PYURF: variants seen among roughly 807,000 people sequenced by gnomAD.
The protein encoded by PYURF is protein preY, mitochondrial.
A neutral mutation model predicts 8.0 loss-of-function variants in PYURF; 9 were observed. The observed-to-expected ratio is 1.13, with a 90% CI of 0.68 to 1.97. The LOEUF is 1.97. Among genes scored for constraint, PYURF ranks in the 30% most tolerant of loss-of-function variants. The pLI, the probability that PYURF is intolerant of heterozygous loss-of-function variation, is 0.00. For synonymous variants in PYURF, 56 were observed against 68.3 expected, an observed-to-expected ratio of 0.82 and a Z score of 0.89; for missense variants, 130 against 158.0, an observed-to-expected ratio of 0.82 and a Z score of 0.95.
Position 88,521,901 on chromosome 4 carries a change from A to C in PYURF, c.332T>G (p.Val111Gly). 1.9e-6 allele frequency: 3 copies of C among 1,550,478 alleles called. No individual in the cohort carries two copies. Among genetic ancestry groups the C allele is most frequent in the Non-Finnish European group, 2.6e-6 (3 of 1,146,696 alleles). The change falls in exon 2 of 2, where the codon GTG (valine) becomes GGG (glycine). Residue 111 changes from valine (V) to glycine (G), a missense_variant. Physicochemically the swap from Val to Gly is moderately radical, Grantham distance 109 (BLOSUM62 -3). Coordinates refer to ENST00000273968, the MANE Select transcript of PYURF (RefSeq NM_032906.5). ...MTRQSKKQEEVEQR is the reference protein window; with the variant it reads ...MTRQSKKQEEGEQR ...TTAAATTATGAACTAGCGCTGCTCCACTTCTTCTTGCTTCTTACTTTGACG... is the reference window on the plus strand; with the variant it reads ...TTAAATTATGAACTAGCGCTGCTCCCCTTCTTCTTGCTTCTTACTTTGACG...
chr4:88,522,148 GTCT>G (rs1742393828), intron 1 of PYURF, 119 bp from the exon 2 acceptor site: 1 of 864,872 alleles, frequency 1.2e-6, no homozygotes, highest in Non-Finnish European at 1.7e-6. Flanking sequence ...TCCCAGAATA[GTCT>G]TCTTTAATTC....
intron 1 of PYURF, among the ~76,000 whole-genome samples, chr4:88,522,997 C>T (rs1474927133): frequency 6.6e-6 from 1 of 152,004 alleles, no homozygotes; most frequent in Admixed American, 6.6e-5. Context: ...CGTTTAAGAA[C>T]ACAGATAAGC....
chr4:88,523,643 G>C lies in PYURF; in HGVS notation c.58C>G (p.Pro20Ala), dbSNP rs1276791360. ...AGGCACCTACGGGCGACCGCGGACG[G>C]CGGCGCGCGCGTTCCCCGCAGCGCT... Reference protein sequence around the residue: ...ASALRGTRAPPSAVARRCLHA... With the variant: ...ASALRGTRAPASAVARRCLHA... Residue 20 changes from proline to alanine, a missense_variant, in exon 1 of 2, where the codon CCG (proline) becomes GCG (alanine). By Grantham distance (27) the Pro-to-Ala change is conservative. Coordinates refer to ENST00000273968, the MANE Select transcript of PYURF (RefSeq NM_032906.5). 2 of 1,539,626 alleles carry C rather than the reference G, an allele frequency of 1.3e-6. No individual in the cohort carries two copies.
At chr4:88,522,353 A>G (rs553026851) in intron 1 of PYURF, among the ~76,000 whole-genome samples, 6 of 152,286 alleles carry the variant, frequency 3.9e-5, no homozygotes, top group African/African-American at 1.4e-4. Context: ...TACTTTGGTC[A>G]ACCCCCAAAC....
chr4:88,521,429 G>T lies in PYURF; in HGVS notation c.*459C>A. 1.4e-6 allele frequency: 1 copy of T among 691,664 alleles called. No individual in the cohort carries two copies. 42.8% of individuals were successfully genotyped at this position (691,664 alleles called of 1,614,324 possible). A position where few individuals can be genotyped will look rare whatever the true frequency, so the allele number is the denominator to read the frequency against. On this transcript the variant is annotated 3_prime_UTR_variant, in exon 2 of 2. Transcript: ENST00000273968. ...CAAGAGTACAATAAAAGAAGCATCT[G>T]CAACTTAAGCCTCCCACAGTCCTAA... is the stretch of plus-strand genomic sequence containing the variant.
chr4:88,523,453 G>C, intron 1 of PYURF, 45 bp downstream of exon 1: 1 of 1,542,718 alleles, frequency 6.5e-7, no homozygotes. Context: ...CTCCCTTTCC[G>C]CCCACCGGGA....
Position 88,521,172 on chromosome 4 carries a change from T to G in PYURF, c.*716A>C, listed in dbSNP as rs934912890. The G allele has an allele frequency of 2.2e-5, 4 of 178,386 alleles. No homozygotes were observed. Among genetic ancestry groups the G allele is most frequent in the African/African-American group, 9.5e-5 (4 of 42,310 alleles). 11.1% of individuals were successfully genotyped at this position (178,386 alleles called of 1,614,324 possible). ...CATTTCTCTCCCTTAGAGGGACTATTCCAACATCACTCCTTTGGAATTATT... is the reference window on the plus strand; with the variant it reads ...CATTTCTCTCCCTTAGAGGGACTATGCCAACATCACTCCTTTGGAATTATT... On this transcript the variant is annotated 3_prime_UTR_variant, in exon 2 of 2. Transcript: ENST00000273968.
intron 1 of PYURF, 31 bp from the exon 2 acceptor site, chr4:88,522,060 T>C (rs1302364503): frequency 6.6e-7 from 1 of 1,512,802 alleles, no homozygotes; most frequent in Admixed American, 2.4e-5. Context: ...ACAAAATGAG[T>C]TGTGGGAAAA....
At position 88,523,573 on chromosome 4, in the gene PYURF, G is replaced by A; in HGVS notation, c.128C>T (p.Thr43Ile). The change falls in exon 1 of 2, where the codon ACT becomes ATT. Residue 43 changes from threonine to isoleucine, a missense_variant. Transcript: ENST00000273968. ...SRPLADRGKKTEEPPRDFDPA... is the reference protein window; with the variant it reads ...SRPLADRGKKIEEPPRDFDPA... ...ATCGAAGTCGCGGGGCGGCTCCTCA[G>A]TCTTCTTGCCCCGGTCGGCCAAAGG... The A allele has an allele frequency of 6.4e-7, 1 of 1,550,592 alleles. No homozygotes were observed. The highest frequency in any genetic ancestry group is 2.0e-5 in the Admixed American group (1 of 51,006).
At position 88,521,661 on chromosome 4, in the gene PYURF, G is replaced by A; in HGVS notation, c.*227C>T. ...GTATGGTAATAGGCAAGAGCAGGCT[G>A]TAAAAGCAAAGGCTGGCTGTGCTAG... is the stretch of plus-strand genomic sequence containing the variant. On this transcript the variant is annotated 3_prime_UTR_variant, in exon 2 of 2. Coordinates refer to ENST00000273968, the MANE Select transcript of PYURF (RefSeq NM_032906.5). The A allele has an allele frequency of 6.2e-7, 1 of 1,614,022 alleles. No individual in the cohort carries two copies. The highest frequency in any genetic ancestry group is 8.5e-7 in the Non-Finnish European group (1 of 1,179,862).
At position 88,521,492 on chromosome 4, in the gene PYURF, C is replaced by T. The variant is rs1742367470; in HGVS notation, c.*396G>A. ...CAAAGCAAAGCCTCTTTCCCGCAAA[C>T]TAAATTCCATCCATTTGAGCTTTCA... is the stretch of plus-strand genomic sequence containing the variant. On this transcript the variant is annotated 3_prime_UTR_variant, in exon 2 of 2. Transcript: ENST00000273968. 1.5e-6 allele frequency: 2 copies of T among 1,309,792 alleles called. No homozygotes were observed. The highest frequency in any genetic ancestry group is 4.2e-5 in the Admixed American group (2 of 47,386). 81.1% of individuals were successfully genotyped at this position (1,309,792 alleles called of 1,614,324 possible).
In PYURF at chr4:88,521,361, T is replaced by TA; in HGVS notation, c.*526dup. On this transcript the variant is annotated 3_prime_UTR_variant, in exon 2 of 2. Transcript: ENST00000273968. ...GACACTGTCAAAATGTTTCTTCTGA[T>TA]ACAGCAGTTATAAGTCAGAGCCTTC... 1.9e-6 allele frequency: 1 copy of TA among 534,788 alleles called. No homozygotes were observed. Among genetic ancestry groups the TA allele is most frequent in the South Asian group, 2.7e-5 (1 of 37,014 alleles). 33.1% of individuals were successfully genotyped at this position (534,788 alleles called of 1,614,324 possible).
intron 1 of PYURF, 123 bp downstream of exon 1, chr4:88,523,375 A>C: frequency 9.9e-7 from 1 of 1,014,536 alleles, no homozygotes; most frequent in Non-Finnish European, 1.5e-6. Context: ...AGAGTCCAGA[A>C]TGTGGCAGCG....
Position 88,523,633 on chromosome 4 carries a change from A to C in PYURF, c.68T>G (p.Val23Gly). 1 of 1,542,868 alleles carries C rather than the reference A, an allele frequency of 6.5e-7. No homozygotes were observed. Among genetic ancestry groups the C allele is most frequent in the Non-Finnish European group, 8.7e-7 (1 of 1,145,010 alleles). ...CGACGCGTGCAGGCACCTACGGGCG[A>C]CCGCGGACGGCGGCGCGCGCGTTCC... ...LRGTRAPPSAVARRCLHASGS... is the reference protein window; with the variant it reads ...LRGTRAPPSAGARRCLHASGS... Residue 23 changes from valine (V) to glycine (G), a missense_variant, in exon 1 of 2, where the codon GTC (valine) becomes GGC (glycine). Transcript: ENST00000273968.
chr4:88,521,625 T>G lies in PYURF; in HGVS notation c.*263A>C. On this transcript the variant is annotated 3_prime_UTR_variant, in exon 2 of 2. Coordinates refer to ENST00000273968, the MANE Select transcript of PYURF (RefSeq NM_032906.5). ...CCATCCAAGTCCAAAGGTGGAAGAA[T>G]ACATACACTGGTATGGTAATAGGCA... 6.2e-7 allele frequency: 1 copy of G among 1,613,990 alleles called. No individual in the cohort carries two copies. Among genetic ancestry groups the G allele is most frequent in the Admixed American group, 1.7e-5 (1 of 60,026 alleles).
chr4:88,523,480 C>A lies in PYURF; in HGVS notation c.203+18G>T, dbSNP rs1402391491. 1.3e-6 allele frequency: 2 copies of A among 1,550,864 alleles called. No individual in the cohort carries two copies. Among genetic ancestry groups the A allele is most frequent in the African/African-American group, 2.7e-5 (2 of 73,046 alleles). ...CCACCGGGAGGCTGCAAAGGAAGGG[C>A]CAAGGCCAGCGAGTTACCTGAGCGG... On this transcript the variant is annotated intron_variant, in intron 1 of 1. Transcript: ENST00000273968.
intron 1 of PYURF, 101 bp from the exon 2 acceptor site, chr4:88,522,130 G>A (rs1186265789): frequency 1.0e-5 from 11 of 1,098,062 alleles, no homozygotes; most frequent in East Asian, 2.6e-5. Flanking sequence ...TTTTTGGTAC[G>A]GAGTTAATCC....
intron 1 of PYURF, among the ~76,000 whole-genome samples, chr4:88,523,296 G>C (rs897793146): frequency 2.0e-5 from 3 of 152,218 alleles, no homozygotes; most frequent in African/African-American, 7.2e-5. Context: ...TGCGTTCTGG[G>C]AGATGTGGGA....
Position 88,521,835 on chromosome 4 carries a change from TG to T in PYURF, c.*52del. The stretch of plus-strand genomic sequence containing the variant: ...CTGCCACTGTGTTTTAAAAGGTATA[TG>T]GTATTAAGAAAAGTTGGCTGTTGCG... On this transcript the variant is annotated 3_prime_UTR_variant, in exon 2 of 2. Coordinates refer to ENST00000273968, the MANE Select transcript of PYURF (RefSeq NM_032906.5). The T allele has an allele frequency of 7.6e-6, 12 of 1,580,432 alleles. No individual in the cohort carries two copies. The highest frequency in any genetic ancestry group is 1.2e-5 in the South Asian group (1 of 86,244).
Sources: allele counts gnomAD v4.1 joint callset (sites outside exome capture counted in the v4.1 genomes callset), GRCh38; gene constraint gnomAD v4.1.1; transcripts MANE v1.5; gene names NCBI Gene and HGNC (gene_info 2026-07-23, HGNC 2026-07-21).